TNR: variants seen among roughly 807,000 people sequenced by gnomAD.
TNR encodes the protein tenascin-R.
Under a neutral mutation model 150.4 loss-of-function variants are expected in TNR, and 45 were observed. The observed-to-expected ratio is 0.30, with a 90% CI of 0.24 to 0.38. The LOEUF (loss-of-function observed/expected upper bound fraction) is 0.38, where lower values mean the gene tolerates loss of function less well. Among genes scored for constraint, TNR ranks in the 10% least tolerant of loss-of-function variants. The pLI is 1.00. For synonymous variants in TNR, 687 were observed against 678.4 expected, an observed-to-expected ratio of 1.01 and a Z score of -0.20; for missense variants, 1,544 against 1,759.1, an observed-to-expected ratio of 0.88 and a Z score of 2.19.
chr1:175,381,697 T>TGGAGAGACTTGAGACTATG (rs1338422396), intron 8 of TNR, among the ~76,000 whole-genome samples: 2 of 152,218 alleles, frequency 1.3e-5, no homozygotes, highest in East Asian at 3.9e-4. Flanking sequence ...GGAGGCTGTG[T>TGGAGAGACTTGAGACTATG]GGAGAGACTT....
intron 2 of TNR, among the ~76,000 whole-genome samples, chr1:175,501,408 A>G (rs1386213194): frequency 1.3e-5 from 2 of 152,232 alleles, no homozygotes; most frequent in East Asian, 3.8e-4. Flanking sequence ...TGTTAACCAC[A>G]GGAACTAAAT....
intron 1 of TNR, among the ~76,000 whole-genome samples, chr1:175,706,862 T>C (rs1666855261): frequency 6.6e-6 from 1 of 152,146 alleles, no homozygotes; most frequent in African/African-American, 2.4e-5. Context: ...TTTTGAAAGG[T>C]GAATCCGCAA....
At chr1:175,392,054 T>C (rs2021832) in intron 6 of TNR, among the ~76,000 whole-genome samples, 17,257 of 151,802 alleles carry the variant, frequency 0.11, 1,174 homozygotes, top group South Asian at 0.16. Flanking sequence ...CAACCACATA[T>C]GAAGTACAAA....
intron 11 of TNR, 151 bp downstream of exon 11, chr1:175,365,724 G>T: frequency 8.7e-7 from 1 of 1,147,372 alleles, no homozygotes; most frequent in Non-Finnish European, 1.2e-6. Flanking sequence ...CCCTCTTGAT[G>T]CACTTATTAG....
intron 9 of TNR, among the ~76,000 whole-genome samples, chr1:175,374,843 T>C (rs1002675641): frequency 6.6e-6 from 1 of 152,216 alleles, no homozygotes; most frequent in South Asian, 2.1e-4. Context: ...TGTGACCGTA[T>C]GGGCCTGGCT....
intron 1 of TNR, among the ~76,000 whole-genome samples, chr1:175,650,893 T>TA (rs1664956195): frequency 9.4e-6 from 1 of 106,394 alleles, no homozygotes; most frequent in Non-Finnish European, 1.9e-5. Context: ...ACCTCATTAC[T>TA]ACCCCTCTCC....
At chr1:175,686,240 T>C (rs1666196756) in intron 1 of TNR, among the ~76,000 whole-genome samples, 2 of 152,214 alleles carry the variant, frequency 1.3e-5, no homozygotes, top group African/African-American at 2.4e-5. Context: ...TTCCCCCAAG[T>C]TCATTTCCTG....
rs138940734 is a variant in TNR, at chr1:175,371,634, T to C, written c.1964-4337A>G. On this transcript the variant is annotated intron_variant, in intron 9 of 22. Transcript: ENST00000367674. Reference sequence around the variant, plus strand: ...TTTTTGAGTGTCTGATGGTAAAGAGTTATGCAAGTATTACTGAGCTTCTTA... The same window carrying C: ...TTTTTGAGTGTCTGATGGTAAAGAGCTATGCAAGTATTACTGAGCTTCTTA... 6.4e-3 allele frequency among the ~76,000 whole-genome samples: 980 copies of C among 151,970 alleles called. 11 individuals are homozygous for C. Among genetic ancestry groups the C allele is most frequent in the African/African-American group, 0.022 (925 of 41,420 alleles).
intron 1 of TNR, among the ~76,000 whole-genome samples, chr1:175,687,412 C>T (rs1250034177): frequency 6.6e-6 from 1 of 152,082 alleles, no homozygotes; most frequent in Non-Finnish European, 1.5e-5. Context: ...CTTATTTTTC[C>T]AAATGTTCAG....
chr1:175,478,044 A>T (rs185193040), intron 2 of TNR, among the ~76,000 whole-genome samples: 11 of 152,336 alleles, frequency 7.2e-5, no homozygotes, highest in Admixed American at 2.0e-4. Flanking sequence ...TCACTTGGGC[A>T]AAGCATAATA....
chr1:175,470,561 G>A (rs1657243661), intron 2 of TNR, among the ~76,000 whole-genome samples: 1 of 152,092 alleles, frequency 6.6e-6, no homozygotes, highest in Non-Finnish European at 1.5e-5. Flanking sequence ...TGGGGCACAT[G>A]AAATATTTTG....
At chr1:175,705,883 C>T (rs2101930924) in intron 1 of TNR, among the ~76,000 whole-genome samples, 1 of 152,294 alleles carries the variant, frequency 6.6e-6, no homozygotes, top group East Asian at 1.9e-4. Context: ...TTCTTTTCCA[C>T]TTCTTCAGCC....
chr1:175,357,055 A>G (rs1270421196), intron 15 of TNR, among the ~76,000 whole-genome samples: 1 of 152,214 alleles, frequency 6.6e-6, no homozygotes. Context: ...GATTATTGCT[A>G]ATCAAAGATC....
In TNR at chr1:175,366,137, T is replaced by C; in HGVS notation, c.2055A>G (p.Glu685=). ...SVPATMNART[E]LDSPRDLMVT... ...CCATGAGGTCTCGGGGACTGTCAAGTTCTGTGGATTGACATAAATGGCCTA... is the reference window on the plus strand; with the variant it reads ...CCATGAGGTCTCGGGGACTGTCAAGCTCTGTGGATTGACATAAATGGCCTA... The change falls in exon 11 of 23, where the codon GAA becomes GAG. Residue 685 remains glutamate (E), a splice_region_variant and synonymous_variant. Coordinates refer to ENST00000367674, the MANE Select transcript of TNR (RefSeq NM_003285.3). 1 of 1,594,632 alleles carries C rather than the reference T, an allele frequency of 6.3e-7. No homozygotes were observed. The highest frequency in any genetic ancestry group is 8.6e-7 in the Non-Finnish European group (1 of 1,169,556).
intron 1 of TNR, among the ~76,000 whole-genome samples, chr1:175,532,755 C>T (rs904894088): frequency 1.3e-5 from 2 of 152,174 alleles, no homozygotes; most frequent in Non-Finnish European, 2.9e-5. Flanking sequence ...GGATCTGCTT[C>T]CAAGATGGCT....
chr1:175,559,828 G>A (rs903493678), intron 1 of TNR, among the ~76,000 whole-genome samples: 7 of 152,120 alleles, frequency 4.6e-5, no homozygotes, highest in African/African-American at 1.7e-4. Flanking sequence ...GAATTTTTTA[G>A]GTTATATATC....
chr1:175,685,516 C>T (rs1666163233), intron 1 of TNR, among the ~76,000 whole-genome samples: 1 of 152,194 alleles, frequency 6.6e-6, no homozygotes, highest in African/African-American at 2.4e-5. Context: ...CCATGAGTTT[C>T]ATTCTGCCCA....
rs529723963 is a variant in TNR at position 175,446,027 on chromosome 1, A to T, written c.-63-39250T>A. 1.3e-3 allele frequency among the ~76,000 whole-genome samples: 201 copies of T among 152,322 alleles called. 1 individual carries two copies. Among genetic ancestry groups the T allele is most frequent in the African/African-American group, 4.7e-3 (196 of 41,582 alleles). ...TCTTGTCTAAGACTGTGGTTTGGTTATTGATCCCAAACTATCTAGGTCTAA... is the reference window on the plus strand; with the variant it reads ...TCTTGTCTAAGACTGTGGTTTGGTTTTTGATCCCAAACTATCTAGGTCTAA... On this transcript the variant is annotated intron_variant, in intron 2 of 22. Coordinates refer to ENST00000367674, the MANE Select transcript of TNR (RefSeq NM_003285.3).
chr1:175,522,575 G>T lies in TNR; in HGVS notation c.-64+5694C>A, dbSNP rs538199136. 3.9e-5 allele frequency among the ~76,000 whole-genome samples: 6 copies of T among 152,188 alleles called. No individual in the cohort carries two copies. In the South Asian group the frequency reaches 1.0e-3, roughly 26 times the overall value. ...TGGAAATAAAAAATAAAAAAAAATT[G>T]CTTTCTTAAATAGAACTTATGCAAA... On this transcript the variant is annotated intron_variant, in intron 2 of 22. Transcript: ENST00000367674.
Sources: allele counts gnomAD v4.1 joint callset (sites outside exome capture counted in the v4.1 genomes callset), GRCh38; gene constraint gnomAD v4.1.1; transcripts MANE v1.5; gene names NCBI Gene and HGNC (gene_info 2026-07-23, HGNC 2026-07-21).